The following NELFA variants were observed in gnomAD, a reference collection of about 807,000 sequenced individuals.
The protein encoded by NELFA is negative elongation factor A.
Under a neutral mutation model 51.8 loss-of-function variants are expected in NELFA, and 35 were observed. The observed-to-expected ratio is 0.68, with a 90% CI of 0.52 to 0.90. The LOEUF is 0.90. NELFA is among the 40% of genes least tolerant of loss of function. NELFA has a pLI of 0.00. For synonymous variants in NELFA, 417 were observed against 338.4 expected (o/e 1.23, Z -2.55); for missense variants, 658 against 746.4 (o/e 0.88, Z 1.38).
chr4:2,000,508 G>C (rs1728543190), intron 1 of NELFA, among the ~76,000 whole-genome samples: 1 of 152,092 alleles, frequency 6.6e-6, no homozygotes, highest in Non-Finnish European at 1.5e-5. Context: ...TACCATCAGA[G>C]AATACTATAA....
Position 1,983,492 on chromosome 4 carries a change from G to A in NELFA, c.1414C>T (p.Gln472Ter), listed in dbSNP as rs757048255. 1 of 1,614,018 alleles carries A rather than the reference G, an allele frequency of 6.2e-7. No individual in the cohort carries two copies. The highest frequency in any genetic ancestry group is 8.5e-7 in the Non-Finnish European group (1 of 1,179,984). The change falls in exon 11 of 11, where the codon CAG (glutamine) becomes TAG (stop). Residue 472 changes from glutamine to a stop codon, truncating the protein, a stop_gained. Coordinates refer to ENST00000382882, the MANE Select transcript of NELFA (RefSeq NM_005663.5). LOFTEE classifies it high-confidence loss of function. ...FMAGSRENPCQEQGDVIQIKL... is the reference protein window; with the variant it reads ...FMAGSRENPC The stretch of plus-strand genomic sequence containing the variant: ...ATCTGGATCACGTCCCCCTGCTCCT[G>A]GCACGGGTTCTCTGCAGAGAGCAGG...
chr4:1,985,646 CATAA>C (rs1728063830), intron 7 of NELFA, 126 bp downstream of exon 7: 2 of 690,242 alleles, frequency 2.9e-6, no homozygotes, highest in South Asian at 1.8e-5. Flanking sequence ...CGTATATATA[CATAA>C]ATACAGACTG....
At chr4:1,998,149 C>T (rs1478697118) in intron 1 of NELFA, among the ~76,000 whole-genome samples, 2 of 152,040 alleles carry the variant, frequency 1.3e-5, no homozygotes, top group African/African-American at 2.4e-5. Context: ...GGTCAGCAGC[C>T]TCAAAGACTG....
At chr4:1,985,082 C>A (rs1282560307) in intron 7 of NELFA, among the ~76,000 whole-genome samples, 163 bp from the exon 8 acceptor site, 1 of 152,154 alleles carries the variant, frequency 6.6e-6, no homozygotes, top group Admixed American at 6.5e-5. Context: ...GACAACGGGA[C>A]CCCTGGCCCC....
Position 1,983,860 on chromosome 4 carries a change from GTTC to G in NELFA, c.1287_1289del (p.Lys429del), listed in dbSNP as rs756639957. 5 of 1,576,214 alleles carry G rather than the reference GTTC, an allele frequency of 3.2e-6. No individual in the cohort carries two copies. The highest frequency in any genetic ancestry group is 4.3e-6 in the Non-Finnish European group (5 of 1,160,814). On this transcript the variant is annotated inframe_deletion, in exon 9 of 11. Transcript: ENST00000382882. ...AGTGTACACCTACCGTGAGGGACAG[GTTC>G]TTCTTAGGCTGCTGCTGAGCAGGGG...
chr4:1,983,793 G>A (rs1467792843), intron 9 of NELFA, 55 bp downstream of exon 9: 1 of 1,586,264 alleles, frequency 6.3e-7, no homozygotes, highest in Non-Finnish European at 8.6e-7. Context: ...AGGGGAGGTG[G>A]CCAGGGCCGT....
In NELFA at chr4:2,006,716, C is replaced by A. The variant is rs147700147; in HGVS notation, c.210+2034G>T. Reference sequence around the variant, plus strand: ...CCCAGGAGTTCAAGGTTAAAGTGAGCTATGATTATACCACTAGACTCTAGC... The same window carrying A: ...CCCAGGAGTTCAAGGTTAAAGTGAGATATGATTATACCACTAGACTCTAGC... On this transcript the variant is annotated intron_variant, in intron 1 of 10. Transcript: ENST00000382882. Among the ~76,000 whole-genome samples, 15 of 132,814 alleles carry A rather than the reference C, an allele frequency of 1.1e-4. No homozygotes were observed. The East Asian group carries it at 3.5e-3, about 31-fold the overall frequency. The allele number at this position is 132,814 out of a possible 152,430, so 87.1% of individuals were successfully genotyped here. A position where few individuals can be genotyped will look rare whatever the true frequency, so the allele number is the denominator to read the frequency against.
Position 1,984,795 on chromosome 4 carries a change from C to G in NELFA, c.1036+13G>C, listed in dbSNP as rs369328757. ...CAGCTTGGCTGGTTCCAGGCTGGGG[C>G]CAGCAGACTCACCTGGGGGCGTCTC... On this transcript the variant is annotated intron_variant, in intron 8 of 10. Coordinates refer to ENST00000382882, the MANE Select transcript of NELFA (RefSeq NM_005663.5). 2.6e-6 allele frequency: 4 copies of G among 1,547,254 alleles called. No individual in the cohort carries two copies. The Admixed American group carries it at 7.8e-5, about 30-fold the overall frequency.
intron 1 of NELFA, among the ~76,000 whole-genome samples, chr4:1,997,672 A>G (rs770786860): frequency 3.9e-5 from 6 of 152,268 alleles, no homozygotes; most frequent in Admixed American, 2.0e-4. Flanking sequence ...TGGTGTAGCC[A>G]CTATGGAAAA....
chr4:1,991,824 T>G, intron 1 of NELFA, 109 bp from the exon 2 acceptor site: 1 of 1,164,670 alleles, frequency 8.6e-7, no homozygotes, highest in Non-Finnish European at 1.2e-6. Flanking sequence ...CTCTGGCAGT[T>G]GCCCCCAACA....
intron 1 of NELFA, among the ~76,000 whole-genome samples, chr4:2,002,962 G>C (rs547835915): frequency 1.3e-5 from 2 of 152,272 alleles, no homozygotes; most frequent in African/African-American, 4.8e-5. Flanking sequence ...CAGAATGGGA[G>C]AAAATTTTTG....
Position 1,983,394 on chromosome 4 carries a change from T to G in NELFA, c.1512A>C (p.Thr504=), listed in dbSNP as rs148813058. 1 of 1,614,092 alleles carries G rather than the reference T, an allele frequency of 6.2e-7. No homozygotes were observed. The highest frequency in any genetic ancestry group is 8.5e-7 in the Non-Finnish European group (1 of 1,180,046). The change falls in exon 11 of 11, where the codon ACA becomes ACC. Residue 504 remains threonine (T), a synonymous_variant. Coordinates refer to ENST00000382882, the MANE Select transcript of NELFA (RefSeq NM_005663.5). ...GQGSTTMLVD[T]VFEMNYATGQ... ...CCGTGGCATAGTTCATCTCAAACAC[T>G]GTGTCCACCAGCATGGTTGTGCTAC...
intron 2 of NELFA, chr4:1,990,472 C>A (rs1393220235): frequency 2.2e-6 from 1 of 456,604 alleles, no homozygotes; most frequent in African/African-American, 2.0e-5. Flanking sequence ...AGCCTTCCTG[C>A]CCGCGGGACA....
chr4:2,002,230 G>C (rs1728602174), intron 1 of NELFA, among the ~76,000 whole-genome samples: 2 of 152,054 alleles, frequency 1.3e-5, no homozygotes, highest in South Asian at 2.1e-4. Context: ...GAAAATAAGA[G>C]AGTACACAAA....
At chr4:1,993,704 C>T (rs1200793853) in intron 1 of NELFA, among the ~76,000 whole-genome samples, 1 of 151,776 alleles carries the variant, frequency 6.6e-6, no homozygotes, top group Non-Finnish European at 1.5e-5. Context: ...TCAATTAAGG[C>T]GCTGGTGGAT....
intron 1 of NELFA, chr4:1,992,732 C>CA: frequency 5.2e-6 from 1 of 192,180 alleles, no homozygotes; most frequent in Non-Finnish European, 1.1e-5. Flanking sequence ...GAGGACCTTC[C>CA]AGCGCTTCCC....
At chr4:1,996,693 C>T (rs1287888226) in intron 1 of NELFA, among the ~76,000 whole-genome samples, 1 of 152,198 alleles carries the variant, frequency 6.6e-6, no homozygotes, top group African/African-American at 2.4e-5. Flanking sequence ...GCAATTTGGT[C>T]AACCAAGGCA....
intron 1 of NELFA, chr4:2,004,292 A>G (rs1728650987): frequency 6.6e-6 from 1 of 152,224 alleles, no homozygotes; most frequent in Non-Finnish European, 1.5e-5. Flanking sequence ...AGAAGCAAAA[A>G]GTAGATTACT....
At chr4:1,995,104 G>T (rs1243753329) in intron 1 of NELFA, among the ~76,000 whole-genome samples, 2 of 152,154 alleles carry the variant, frequency 1.3e-5, no homozygotes, top group Non-Finnish European at 2.9e-5. Context: ...CTGCTGAGTG[G>T]GTCTCATCCA....
Sources: gnomAD v4.1 joint callset for allele counts (sites outside exome capture counted in the v4.1 genomes callset) on GRCh38, gnomAD v4.1.1 for gene constraint, MANE v1.5 for transcripts, NCBI Gene and HGNC (gene_info 2026-07-23, HGNC 2026-07-21) for gene names.